EEPD1: variants seen among roughly 807,000 people sequenced by gnomAD.
The protein encoded by EEPD1 is endonuclease/exonuclease/phosphatase family domain containing 1.
EEPD1 carries 17 observed loss-of-function variants against 46.3 expected under a neutral mutation model. That is an observed-to-expected ratio of 0.37 (90% CI 0.25 to 0.55). The LOEUF (loss-of-function observed/expected upper bound fraction) is 0.55. Ranked by LOEUF, EEPD1 falls within the 20% of genes least tolerant of loss-of-function variation. The pLI is 0.83. For missense variants in EEPD1, 673 were observed against 745.6 expected, an observed-to-expected ratio of 0.90 and a Z score of 1.13; for synonymous variants, 313 against 315.6, an observed-to-expected ratio of 0.99 and a Z score of 0.09.
rs1784775850 is a variant in EEPD1 at position 36,154,255 on chromosome 7, GGCTTCCTCCCTAGCCA to G, written c.-68_-53del. The G allele has an allele frequency of 6.6e-7, 1 of 1,510,968 alleles. No homozygotes were observed. The highest frequency in any genetic ancestry group is 1.3e-5 in the South Asian group (1 of 78,958). The allele number at this position is 1,510,968 out of a possible 1,614,324, so 93.6% of individuals were successfully genotyped here. On this transcript the variant is annotated 5_prime_UTR_variant, in exon 2 of 8. Coordinates refer to ENST00000242108, the MANE Select transcript of EEPD1 (RefSeq NM_030636.3). The surrounding 1 kb of genome is among the most constrained non-coding windows in gnomAD (Gnocchi z 4.2). The stretch of plus-strand genomic sequence containing the variant: ...TTTTCTGTGCTTGTACGGCCTACTG[GGCTTCCTCCCTAGCCA>G]GAGAGCTCTTCTGCAGTGGTGCGGC...
intron 6 of EEPD1, among the ~76,000 whole-genome samples, chr7:36,288,774 A>T (rs540437102): frequency 6.6e-6 from 1 of 152,232 alleles, no homozygotes; most frequent in African/African-American, 2.4e-5. Flanking sequence ...AAAAAAAAAA[A>T]AAAAAGGAGC....
chr7:36,220,001 G>C (rs577845447), intron 2 of EEPD1, among the ~76,000 whole-genome samples: 2 of 152,242 alleles, frequency 1.3e-5, no homozygotes, highest in South Asian at 4.2e-4. Flanking sequence ...GCGGGAAGAA[G>C]AGCACAGGAA....
intron 2 of EEPD1, 139 bp downstream of exon 2, chr7:36,155,341 A>G (rs1418788714): frequency 9.5e-7 from 1 of 1,058,176 alleles, no homozygotes; most frequent in Non-Finnish European, 1.3e-6. Flanking sequence ...AGCCTCAGCC[A>G]ATACCGTCAC....
At position 36,291,791 on chromosome 7, in the gene EEPD1, T is replaced by C. The variant is rs555536297; in HGVS notation, c.1315+4014T>C. On this transcript the variant is annotated intron_variant, in intron 6 of 7. Coordinates refer to ENST00000242108, the MANE Select transcript of EEPD1 (RefSeq NM_030636.3). Reference sequence around the variant, plus strand: ...TTATGACTTCGTTTATGAACTGCTTTCCCTAAAGCCTCCTTCACAAGGTGT... The same window carrying C: ...TTATGACTTCGTTTATGAACTGCTTCCCCTAAAGCCTCCTTCACAAGGTGT... Among the ~76,000 whole-genome samples, 17 of 152,332 alleles carry C rather than the reference T, an allele frequency of 1.1e-4. No homozygotes were observed. The East Asian group carries it at 3.3e-3, about 29-fold the overall frequency.
intron 2 of EEPD1, among the ~76,000 whole-genome samples, chr7:36,201,116 T>C (rs1192348210): frequency 6.6e-6 from 1 of 152,084 alleles, no homozygotes; most frequent in African/African-American, 2.4e-5. Flanking sequence ...ACGCCAAATC[T>C]GAGAGGCAGT....
chr7:36,186,377 A>T (rs1172259510), intron 2 of EEPD1, among the ~76,000 whole-genome samples: 1 of 152,158 alleles, frequency 6.6e-6, no homozygotes, highest in Non-Finnish European at 1.5e-5. Context: ...TGACCCCTGG[A>T]AGTCTTTCAT....
In EEPD1 at chr7:36,196,065, T is replaced by G. The variant is rs192574461; in HGVS notation, c.878+40863T>G. On this transcript the variant is annotated intron_variant, in intron 2 of 7. Coordinates refer to ENST00000242108, the MANE Select transcript of EEPD1 (RefSeq NM_030636.3). ...ATGTTACTGTACTGAATATTATAAC[T>G]GTAACACTATGGTAAGGATTTACCT... Among the ~76,000 whole-genome samples, 78 of 152,262 alleles carry G rather than the reference T, an allele frequency of 5.1e-4. 1 individual carries two copies. The Middle Eastern group carries it at 0.014, about 27-fold the overall frequency.
chr7:36,234,271 C>T (rs991071432), intron 2 of EEPD1, among the ~76,000 whole-genome samples: 1 of 152,156 alleles, frequency 6.6e-6, no homozygotes, highest in South Asian at 2.1e-4. Flanking sequence ...ACTTTCATTG[C>T]ACTTCTTGAA....
At chr7:36,276,028 G>T (rs1787177807) in intron 3 of EEPD1, among the ~76,000 whole-genome samples, 3 of 152,164 alleles carry the variant, frequency 2.0e-5, no homozygotes, top group Admixed American at 2.0e-4. Flanking sequence ...ACATCTCGTA[G>T]ATTGGAGTTT....
At chr7:36,252,089 C>A (rs1786747138) in intron 3 of EEPD1, among the ~76,000 whole-genome samples, 1 of 152,152 alleles carries the variant, frequency 6.6e-6, no homozygotes, top group African/African-American at 2.4e-5. Flanking sequence ...AATTTTTCTT[C>A]ATACTCTGAA....
chr7:36,284,389 T>A (rs1257948001), intron 4 of EEPD1, among the ~76,000 whole-genome samples: 1 of 152,228 alleles, frequency 6.6e-6, no homozygotes, highest in African/African-American at 2.4e-5. Context: ...TGGGATGTGA[T>A]GATTCTGAAG....
chr7:36,282,562 G>A (rs889202729), intron 4 of EEPD1, among the ~76,000 whole-genome samples: 1 of 152,232 alleles, frequency 6.6e-6, no homozygotes. Context: ...AGGGAGACCC[G>A]AGTTCCATCC....
At chr7:36,241,122 C>T (rs970679331) in intron 3 of EEPD1, among the ~76,000 whole-genome samples, 4 of 152,100 alleles carry the variant, frequency 2.6e-5, no homozygotes, top group African/African-American at 7.2e-5. Context: ...AGTATCCCCC[C>T]TCAAAAAATT....
chr7:36,237,250 A>C (rs186436902), intron 2 of EEPD1, among the ~76,000 whole-genome samples: 4 of 152,212 alleles, frequency 2.6e-5, no homozygotes, highest in Non-Finnish European at 5.9e-5. Context: ...CACCATCTTT[A>C]AGAACTGTAA....
intron 3 of EEPD1, among the ~76,000 whole-genome samples, chr7:36,247,593 C>T (rs1011277851): frequency 5.9e-5 from 9 of 152,144 alleles, no homozygotes; most frequent in African/African-American, 2.2e-4. Context: ...CTAATCCAAC[C>T]CTGTCATTTT....
In EEPD1 at chr7:36,287,725, T is replaced by C. The variant is rs773075446; in HGVS notation, c.1263T>C (p.Ser421=). The C allele has an allele frequency of 3.1e-6, 5 of 1,614,176 alleles. No homozygotes were observed. The South Asian group carries it at 5.5e-5, about 18-fold the overall frequency. ...GCGAGAATCCCAGCAAGAATCACAG[T>C]GATGGCCACCGGTTGGCGAGCTTTG... is the stretch of plus-strand genomic sequence containing the variant. The part of the protein sequence containing the change: ...LGSENPSKNH[S]DGHRLASFAQ... The change falls in exon 6 of 8, where the codon AGT becomes AGC. Residue 421 remains serine, a synonymous_variant. Transcript: ENST00000242108.
At chr7:36,179,460 C>T (rs1785235909) in intron 2 of EEPD1, among the ~76,000 whole-genome samples, 1 of 151,888 alleles carries the variant, frequency 6.6e-6, no homozygotes, top group African/African-American at 2.4e-5. Context: ...GTGGCACACA[C>T]CTGTAATCCC....
chr7:36,255,112 C>A (rs1010192634), intron 3 of EEPD1, among the ~76,000 whole-genome samples: 6 of 152,184 alleles, frequency 3.9e-5, no homozygotes, highest in Non-Finnish European at 8.8e-5. Flanking sequence ...ATGATAGTTT[C>A]TTTTGCTGTG....
chr7:36,210,817 C>T (rs191382231), intron 2 of EEPD1, among the ~76,000 whole-genome samples: 1 of 152,218 alleles, frequency 6.6e-6, no homozygotes, highest in Non-Finnish European at 1.5e-5. Flanking sequence ...AGGAAGCCTT[C>T]CCTGACCACC....
Sources: gnomAD v4.1 joint callset for allele counts (sites outside exome capture counted in the v4.1 genomes callset) on GRCh38, gnomAD v4.1.1 for gene constraint, Gnocchi (gnomAD v3.1) non-coding constraint, MANE v1.5 for transcripts, NCBI Gene and HGNC (gene_info 2026-07-23, HGNC 2026-07-21) for gene names.